Variants in ODAD2 observed in about 807,000 individuals in gnomAD.
The protein encoded by ODAD2 is outer dynein arm-docking complex subunit 2.
A neutral mutation model predicts 106.8 loss-of-function variants in ODAD2; 89 were observed. The observed-to-expected ratio is 0.83, with a 90% CI of 0.70 to 0.99. ODAD2 has a LOEUF of 0.99. ODAD2 is among the 50% of genes least tolerant of loss of function. The pLI is 0.00. For missense variants in ODAD2, 1,168 were observed against 1,238.5 expected (o/e 0.94, Z 0.85); for synonymous variants, 404 against 436.2 (o/e 0.93, Z 0.92).
chr10:27,839,402 T>G (rs1389763521), intron 19 of ODAD2, among the ~76,000 whole-genome samples: 1 of 152,248 alleles, frequency 6.6e-6, no homozygotes, highest in African/African-American at 2.4e-5. Context: ...TTTTCAGATT[T>G]TATTAGTTTC....
At chr10:27,838,356 T>TTTGTCC (rs1369744305) in intron 19 of ODAD2, among the ~76,000 whole-genome samples, 5 of 152,248 alleles carry the variant, frequency 3.3e-5, no homozygotes, top group African/African-American at 1.2e-4. Flanking sequence ...GCTTTCTGCC[T>TTTGTCC]TTGTGTATTG....
At chr10:27,963,103 G>C (rs369406467) in intron 9 of ODAD2, among the ~76,000 whole-genome samples, 3 of 151,850 alleles carry the variant, frequency 2.0e-5, no homozygotes, top group African/African-American at 7.3e-5. Context: ...CGCCTGCCGG[G>C]TTCATGTGAT....
intron 19 of ODAD2, among the ~76,000 whole-genome samples, chr10:27,819,202 G>C (rs1270826175): frequency 1.3e-5 from 2 of 152,120 alleles, no homozygotes; most frequent in Non-Finnish European, 2.9e-5. Context: ...GAGGAGCACA[G>C]GTCGGGGGAA....
Position 27,946,950 on chromosome 10 carries a change from G to A in ODAD2, c.1387-1988C>T, listed in dbSNP as rs527287345. On this transcript the variant is annotated intron_variant, in intron 10 of 19. Coordinates refer to ENST00000305242, the MANE Select transcript of ODAD2 (RefSeq NM_018076.5). ...GAAATGTCCTCAACAACTGTCCCGT[G>A]AAGATGTCACTGACAATTTCCATTT... is the stretch of plus-strand genomic sequence containing the variant. Among the ~76,000 whole-genome samples, 7 of 152,264 alleles carry A rather than the reference G, an allele frequency of 4.6e-5. No homozygotes were observed. In the East Asian group the frequency reaches 1.4e-3, roughly 29 times the overall value.
At chr10:27,978,441 C>A (rs566652532) in intron 7 of ODAD2, among the ~76,000 whole-genome samples, 1 of 152,208 alleles carries the variant, frequency 6.6e-6, no homozygotes, top group Non-Finnish European at 1.5e-5. Flanking sequence ...CTCAATTTTT[C>A]CCTCCCATGT....
chr10:27,827,137 C>T (rs540434498), intron 19 of ODAD2, among the ~76,000 whole-genome samples: 13 of 152,122 alleles, frequency 8.5e-5, no homozygotes, highest in Non-Finnish European at 1.9e-4. Flanking sequence ...ATAACACTTT[C>T]CTGATTGTTT....
chr10:27,911,572 C>T (rs1284197012), intron 16 of ODAD2, among the ~76,000 whole-genome samples: 3 of 152,198 alleles, frequency 2.0e-5, no homozygotes, highest in African/African-American at 7.2e-5. Flanking sequence ...ACAGAAGACA[C>T]CAGTTTACTC....
chr10:27,898,977 T>C (rs1843017621), intron 17 of ODAD2, among the ~76,000 whole-genome samples: 1 of 152,160 alleles, frequency 6.6e-6, no homozygotes. Flanking sequence ...AAATTTATTG[T>C]AGAACTATCC....
chr10:27,902,710 A>C lies in ODAD2; in HGVS notation c.2610+4953T>G, dbSNP rs866738206. Reference sequence around the variant, plus strand: ...CTAGAAAATCGAGAAGAAATGGATAAATTCCTGGACACATACACCCTCCCA... The same window carrying C: ...CTAGAAAATCGAGAAGAAATGGATACATTCCTGGACACATACACCCTCCCA... On this transcript the variant is annotated intron_variant, in intron 17 of 19. Transcript: ENST00000305242. 3.3e-5 allele frequency among the ~76,000 whole-genome samples: 5 copies of C among 152,134 alleles called. No homozygotes were observed. The South Asian group carries it at 1.0e-3, about 32-fold the overall frequency.
At chr10:27,916,333 G>A (rs1158099053) in intron 16 of ODAD2, among the ~76,000 whole-genome samples, 1 of 152,154 alleles carries the variant, frequency 6.6e-6, no homozygotes, top group Non-Finnish European at 1.5e-5. Flanking sequence ...ATCAGAACAA[G>A]CACAGGGTGA....
chr10:27,993,333 G>C (rs930917920), intron 2 of ODAD2, among the ~76,000 whole-genome samples: 16 of 152,296 alleles, frequency 1.1e-4, no homozygotes, highest in African/African-American at 3.6e-4. Context: ...GGCACAGTTA[G>C]AAATAAAATG....
intron 10 of ODAD2, among the ~76,000 whole-genome samples, chr10:27,946,521 G>A (rs567209495): frequency 3.7e-4 from 57 of 152,024 alleles, no homozygotes; most frequent in African/African-American, 1.2e-3. Context: ...TTTTTTTGTG[G>A]TGGGAACTTT....
intron 16 of ODAD2, among the ~76,000 whole-genome samples, chr10:27,929,101 A>G (rs1364271761): frequency 6.6e-6 from 1 of 152,218 alleles, no homozygotes; most frequent in African/African-American, 2.4e-5. Context: ...AAGGTGACAT[A>G]TATTAATCAT....
Position 27,862,439 on chromosome 10 carries a change from T to TTGC in ODAD2, c.2791_2793dup (p.Ala931dup). 6.2e-7 allele frequency: 1 copy of TTGC among 1,607,020 alleles called. No individual in the cohort carries two copies. The highest frequency in any genetic ancestry group is 8.5e-7 in the Non-Finnish European group (1 of 1,177,352). On this transcript the variant is annotated inframe_insertion, in exon 18 of 20. Transcript: ENST00000305242. ...CAAAAAGATGTGTTACTTACTGTAT[T>TTGC]TGCCAGTTTGGACAATAAAGGAACA...
Position 27,885,551 on chromosome 10 carries a change from TATATAAATATAA to T in ODAD2, c.2610+22100_2610+22111del, listed in dbSNP as rs1445703243. Among the ~76,000 whole-genome samples, 129 of 14,304 alleles carry T rather than the reference TATATAAATATAA, an allele frequency of 9.0e-3. 10 individuals carry two copies. Among genetic ancestry groups the T allele is most frequent in the South Asian group, 0.022 (13 of 604 alleles). The allele number at this position is 14,304 out of a possible 152,430, so 9.4% of individuals were successfully genotyped here. A position where few individuals can be genotyped will look rare whatever the true frequency, so the allele number is the denominator to read the frequency against. ...AAAAAAAAATATATATATATATAAA[TATATAAATATAA>T]ATATATATATATATAAATATATAAA... On this transcript the variant is annotated intron_variant, in intron 17 of 19. Coordinates refer to ENST00000305242, the MANE Select transcript of ODAD2 (RefSeq NM_018076.5).
chr10:27,824,197 GT>G (rs1254758677), intron 19 of ODAD2, among the ~76,000 whole-genome samples: 3 of 146,558 alleles, frequency 2.0e-5, no homozygotes, highest in African/African-American at 7.5e-5. Context: ...TCAAATTACT[GT>G]TTTCTCTTGT....
intron 9 of ODAD2, among the ~76,000 whole-genome samples, chr10:27,962,040 C>G (rs905964877): frequency 2.0e-5 from 3 of 152,156 alleles, no homozygotes; most frequent in African/African-American, 7.2e-5. Context: ...CACCACTGCA[C>G]TCCAGCCTGG....
chr10:27,948,180 GA>G (rs1362793679), intron 10 of ODAD2, among the ~76,000 whole-genome samples: 1 of 151,950 alleles, frequency 6.6e-6, no homozygotes, highest in Non-Finnish European at 1.5e-5. Flanking sequence ...GATCCTTATA[GA>G]AAAAAATTCT....
intron 17 of ODAD2, among the ~76,000 whole-genome samples, chr10:27,899,150 C>A (rs1843029777): frequency 6.6e-6 from 1 of 151,784 alleles, no homozygotes; most frequent in African/African-American, 2.4e-5. Flanking sequence ...TGGGTACAGC[C>A]CACGGAGGGC....
Sources: allele counts gnomAD v4.1 joint callset (sites outside exome capture counted in the v4.1 genomes callset), GRCh38; gene constraint gnomAD v4.1.1; transcripts MANE v1.5; gene names NCBI Gene and HGNC (gene_info 2026-07-23, HGNC 2026-07-21).